The following SNRPN variants were observed in gnomAD, a reference collection of about 807,000 sequenced individuals.
SNRPN encodes small nuclear ribonucleoprotein polypeptide N, also known as small nuclear ribonucleoprotein-associated protein N.
Under a neutral mutation model 25.2 loss-of-function variants are expected in SNRPN, and 7 were observed. That is an observed-to-expected ratio of 0.28 (90% CI 0.16 to 0.52). The LOEUF (loss-of-function observed/expected upper bound fraction) is 0.52, where lower values mean the gene tolerates loss of function less well. Ranked by LOEUF, SNRPN falls within the 20% of genes least tolerant of loss-of-function variation. The pLI, the probability that SNRPN is intolerant of heterozygous loss-of-function variation, is 0.96. For missense variants in SNRPN, 196 were observed against 322.5 expected (o/e 0.61, Z 3.00); for synonymous variants, 124 against 110.6 (o/e 1.12, Z -0.76).
At chr15:24,950,466 C>T (rs529051300), upstream of SNRPN, among the ~76,000 whole-genome samples, 1 of 151,580 alleles carries the variant, frequency 6.6e-6, no homozygotes, top group East Asian at 1.9e-4. Context: ...TGAGCCACCA[C>T]CAGTTTTTTA....
chr15:24,834,751 C>CTCTCTCTCTCTCTATA lies in SNRPN; in HGVS notation c.-579+4847_-579+4848insCTCTCTCTCTCTATAT. Among the ~76,000 whole-genome samples the CTCTCTCTCTCTCTATA allele has an allele frequency of 3.6e-3, 221 of 60,926 alleles. 4 individuals carry two copies. Among genetic ancestry groups the CTCTCTCTCTCTCTATA allele is most frequent in the East Asian group, 5.6e-3 (15 of 2,668 alleles). The allele number at this position is 60,926 out of a possible 152,430, so 40.0% of individuals were successfully genotyped here. A position where few individuals can be genotyped will look rare whatever the true frequency, so the allele number is the denominator to read the frequency against. ...TCCCTCTCTCTCTCTCTCTCTCTCT[C>CTCTCTCTCTCTCTATA]TATATATATATATATATATATATAT... On this transcript the variant is annotated intron_variant, in intron 2 of 12. Transcript: ENST00000400100.
chr15:24,900,658 A>G (rs73371284), intron 2 of SNRPN, among the ~76,000 whole-genome samples: 16,956 of 152,182 alleles, frequency 0.11, 1,041 homozygotes, highest in African/African-American at 0.14. Context: ...CCTGTAGGAA[A>G]CAGCTACATG....
intron 2 of SNRPN, chr15:24,909,055 C>A: frequency 7.0e-7 from 1 of 1,422,166 alleles, no homozygotes; most frequent in South Asian, 1.2e-5. Context: ...CTTTCTTGGG[C>A]TTATTTTCAT....
chr15:24,881,783 T>C (rs1309005357), intron 1 of SNRPN, among the ~76,000 whole-genome samples: 2 of 152,234 alleles, frequency 1.3e-5, no homozygotes, highest in African/African-American at 4.8e-5. Context: ...TCATGAGTTC[T>C]GGGTTTATCA....
intron 2 of SNRPN, chr15:24,848,228 C>G (rs1428823887): frequency 9.3e-5 from 2 of 21,440 alleles, no homozygotes; most frequent in African/African-American, 1.5e-4. Flanking sequence ...GCGGGGGCGG[C>G]GGTGGGGGCG....
Position 24,872,990 on chromosome 15 carries a change from A to C in SNRPN, c.-578-13526A>C, listed in dbSNP as rs534015096. ...TTGGACAGTCACTTATATTCCATTG[A>C]CCTATATCACTGTCCTTATGCCAGT... On this transcript the variant is annotated intron_variant, in intron 1 of 11. Coordinates refer to the SNRPN transcript ENST00000400097. Among the ~76,000 whole-genome samples, 202 of 121,626 alleles carry C rather than the reference A, an allele frequency of 1.7e-3. 47 individuals carry two copies. The highest frequency in any genetic ancestry group is 9.6e-3 in the Middle Eastern group (2 of 208). 79.8% of individuals were successfully genotyped at this position (121,626 alleles called of 152,430 possible).
At chr15:24,917,122 T>C (rs1268410526) in intron 2 of SNRPN, among the ~76,000 whole-genome samples, 1 of 152,166 alleles carries the variant, frequency 6.6e-6, no homozygotes, top group Non-Finnish European at 1.5e-5. Flanking sequence ...AGAGCACTGA[T>C]TGGTGCATTT....
intron 1 of SNRPN, among the ~76,000 whole-genome samples, chr15:24,864,339 CT>C (rs58622804): frequency 0.087 from 10,110 of 115,550 alleles, 382 homozygotes; most frequent in East Asian, 0.13. Flanking sequence ...CTCTTCTTTT[CT>C]TTTTTTTTTT....
At chr15:24,827,851 A>G (rs113938378) in intron 1 of SNRPN, among the ~76,000 whole-genome samples, 1 of 141,432 alleles carries the variant, frequency 7.1e-6, no homozygotes, top group South Asian at 2.3e-4. Context: ...TGGGTGACAA[A>G]GCGAGACTCC....
intron 2 of SNRPN, among the ~76,000 whole-genome samples, chr15:24,898,553 A>G (rs1280865347): frequency 6.6e-6 from 1 of 151,850 alleles, no homozygotes; most frequent in East Asian, 1.9e-4. Context: ...GCACCACTGC[A>G]CCCCATCCTG....
At chr15:24,948,634 C>T (rs2062029671) in intron 3 of SNRPN, among the ~76,000 whole-genome samples, 1 of 152,026 alleles carries the variant, frequency 6.6e-6, no homozygotes, top group Non-Finnish European at 1.5e-5. Context: ...ACAGCTAGTA[C>T]TCATGTGTCT....
intron 3 of SNRPN, among the ~76,000 whole-genome samples, chr15:24,934,668 A>G (rs1211181519): frequency 6.6e-6 from 1 of 152,132 alleles, no homozygotes; most frequent in African/African-American, 2.4e-5. Flanking sequence ...AAGCAATCCT[A>G]TCTCAGCCTT....
At chr15:24,838,057 C>T (rs1410696834) in intron 2 of SNRPN, among the ~76,000 whole-genome samples, 39 of 132,832 alleles carry the variant, frequency 2.9e-4, no homozygotes, top group East Asian at 1.4e-3. Flanking sequence ...TTTTTTGAGA[C>T]GGAGTCTCGC....
chr15:24,962,647 TATC>T (rs1349138998), intron 2 of SNRPN, among the ~76,000 whole-genome samples: 3 of 152,214 alleles, frequency 2.0e-5, no homozygotes, highest in African/African-American at 7.2e-5. Flanking sequence ...TTGTGTTTTT[TATC>T]CTGTTTTAAG....
At chr15:24,873,664 G>A (rs1365677187) in intron 1 of SNRPN, among the ~76,000 whole-genome samples, 1 of 151,890 alleles carries the variant, frequency 6.6e-6, no homozygotes, top group Non-Finnish European at 1.5e-5. Context: ...AGCCAGGATG[G>A]TCTCGATCTC....
chr15:24,964,037 GAAAA>G (rs577352737), intron 2 of SNRPN, among the ~76,000 whole-genome samples: 2 of 149,818 alleles, frequency 1.3e-5, no homozygotes, highest in Admixed American at 6.6e-5. Context: ...GTCTCAAAAA[GAAAA>G]AAAAAGTTGT....
At chr15:24,950,640 C>T (rs2062192446), upstream of SNRPN, among the ~76,000 whole-genome samples, 1 of 142,412 alleles carries the variant, frequency 7.0e-6, no homozygotes, top group South Asian at 2.3e-4. Flanking sequence ...CTCCACCTCT[C>T]AGGCTCAAGT....
At chr15:24,906,219 T>C (rs1250398175) in intron 2 of SNRPN, among the ~76,000 whole-genome samples, 3 of 152,090 alleles carry the variant, frequency 2.0e-5, no homozygotes, top group African/African-American at 7.2e-5. Context: ...TCCACCTCCA[T>C]GGGCTCAAGC....
chr15:24,897,102 A>T (rs2058124203), intron 2 of SNRPN, among the ~76,000 whole-genome samples: 1 of 151,872 alleles, frequency 6.6e-6, no homozygotes, highest in Non-Finnish European at 1.5e-5. Context: ...GCAGTGAGTC[A>T]AAATCACCCC....
Sources: gnomAD v4.1 joint callset for allele counts (sites outside exome capture counted in the v4.1 genomes callset) on GRCh38, gnomAD v4.1.1 for gene constraint, MANE v1.5 for transcripts, NCBI Gene and HGNC (gene_info 2026-07-23, HGNC 2026-07-21) for gene names.